Variants in TLL1 observed in about 807,000 individuals in gnomAD.
The protein encoded by TLL1 is tolloid-like protein 1.
A neutral mutation model predicts 128.2 loss-of-function variants in TLL1; 49 were observed. The ratio of observed to expected loss-of-function variants is 0.38; its 90% CI spans 0.30 to 0.48. TLL1 has a LOEUF of 0.48. Ranked by LOEUF, TLL1 falls within the 20% of genes least tolerant of loss-of-function variation. TLL1 has a pLI of 0.96. For synonymous variants in TLL1, 454 were observed against 418.8 expected, an observed-to-expected ratio of 1.08 and a Z score of -1.03; for missense variants, 1,123 against 1,242.0, an observed-to-expected ratio of 0.90 and a Z score of 1.44.
At chr4:165,878,933 T>C (rs1027986281) in intron 1 of TLL1, among the ~76,000 whole-genome samples, 16 of 129,498 alleles carry the variant, frequency 1.2e-4, no homozygotes, top group Non-Finnish European at 4.9e-5. Context: ...TTTTTTTTTT[T>C]TTTTTTTTTT....
chr4:166,029,440 G>T (rs1007158357), intron 9 of TLL1, among the ~76,000 whole-genome samples: 1 of 151,628 alleles, frequency 6.6e-6, no homozygotes, highest in Admixed American at 6.6e-5. Context: ...CTTAACATTA[G>T]TTTTACATGT....
chr4:166,047,205 C>G (rs1739494061), intron 12 of TLL1, among the ~76,000 whole-genome samples: 1 of 151,350 alleles, frequency 6.6e-6, no homozygotes, highest in Non-Finnish European at 1.5e-5. Context: ...CTCTGTTTCG[C>G]CCAGACTGCA....
chr4:166,082,828 C>T (rs775713063), intron 18 of TLL1, among the ~76,000 whole-genome samples: 1 of 151,946 alleles, frequency 6.6e-6, no homozygotes, highest in East Asian at 1.9e-4. Context: ...CAGGCGCCTG[C>T]CACCACCCCT....
chr4:165,897,242 T>C (rs1389690073), intron 1 of TLL1, among the ~76,000 whole-genome samples: 2 of 152,206 alleles, frequency 1.3e-5, no homozygotes, highest in Non-Finnish European at 2.9e-5. Flanking sequence ...TAGATCCCAT[T>C]TGTCAGTTTT....
At position 166,025,485 on chromosome 4, in the gene TLL1, A is replaced by G. The variant is rs1311952677; in HGVS notation, c.1158+54A>G. 2.3e-6 allele frequency: 3 copies of G among 1,325,636 alleles called. No homozygotes were observed. In the African/African-American group the frequency reaches 4.4e-5, roughly 19 times the overall value. 82.1% of individuals were successfully genotyped at this position (1,325,636 alleles called of 1,614,324 possible). A position where few individuals can be genotyped will look rare whatever the true frequency, so the allele number is the denominator to read the frequency against. On this transcript the variant is annotated intron_variant, in intron 9 of 20. Transcript: ENST00000061240. ...TATTCTTATATAAGTACAAAAGTTC[A>G]TCATCCTTCAAATATAAATTTGCTT...
At chr4:165,955,286 A>G (rs937762169) in intron 1 of TLL1, among the ~76,000 whole-genome samples, 2 of 152,064 alleles carry the variant, frequency 1.3e-5, no homozygotes, top group Non-Finnish European at 2.9e-5. Context: ...TCCAAGAAAT[A>G]TAAGATATAA....
At chr4:166,044,540 ATCATT>A in intron 12 of TLL1, 1 of 981,504 alleles carries the variant, frequency 1.0e-6, no homozygotes, top group Non-Finnish European at 1.5e-6. Context: ...TTCTACTTTA[ATCATT>A]ATGTTGTATT....
Position 165,877,595 on chromosome 4 carries a change from G to A in TLL1, c.169+3522G>A, listed in dbSNP as rs371474876. 2.0e-5 allele frequency among the ~76,000 whole-genome samples: 3 copies of A among 152,152 alleles called. No homozygotes were observed. The East Asian group carries it at 5.8e-4, about 29-fold the overall frequency. On this transcript the variant is annotated intron_variant, in intron 1 of 20. Coordinates refer to ENST00000061240, the MANE Select transcript of TLL1 (RefSeq NM_012464.5). ...ATCTGAGTATTAATATCTGTGAGGA[G>A]CCTGGGCAAATTTAGTTTGTAAGTT...
At chr4:166,054,379 A>T (rs1041005246) in intron 12 of TLL1, among the ~76,000 whole-genome samples, 2 of 152,218 alleles carry the variant, frequency 1.3e-5, no homozygotes, top group African/African-American at 4.8e-5. Flanking sequence ...CAAATCTTCT[A>T]TGAATACAAT....
At chr4:166,040,485 T>C (rs1739192908) in intron 10 of TLL1, among the ~76,000 whole-genome samples, 1 of 152,234 alleles carries the variant, frequency 6.6e-6, no homozygotes, top group Non-Finnish European at 1.5e-5. Context: ...CGACACTTCT[T>C]TTTAGAGCAC....
intron 1 of TLL1, among the ~76,000 whole-genome samples, chr4:165,967,902 C>T (rs1735465466): frequency 6.6e-6 from 1 of 152,106 alleles, no homozygotes; most frequent in African/African-American, 2.4e-5. Context: ...TGAGTGTATC[C>T]TTTATCTGGT....
chr4:166,026,078 AAACAACAAC>A (rs542899706), intron 9 of TLL1, among the ~76,000 whole-genome samples: 1 of 152,122 alleles, frequency 6.6e-6, no homozygotes, highest in East Asian at 1.9e-4. Context: ...AATTGATTAA[AAACAACAAC>A]AACAACAACA....
chr4:166,099,551 C>T (rs563986958), intron 20 of TLL1, 24 bp downstream of exon 20: 8 of 1,612,306 alleles, frequency 5.0e-6, no homozygotes, highest in African/African-American at 1.3e-5. Context: ...CAACAGAATA[C>T]CCTAGACATG....
At chr4:166,019,391 A>G (rs1049533673) in intron 8 of TLL1, among the ~76,000 whole-genome samples, 9 of 152,198 alleles carry the variant, frequency 5.9e-5, no homozygotes, top group African/African-American at 1.9e-4. Context: ...CTATGTAACT[A>G]TCTTATACAT....
chr4:166,046,809 A>C (rs967599808), intron 12 of TLL1, among the ~76,000 whole-genome samples: 3 of 152,232 alleles, frequency 2.0e-5, no homozygotes, highest in Non-Finnish European at 4.4e-5. Context: ...AGAATCTCAC[A>C]GGAACTGTAA....
chr4:165,916,678 A>G (rs1189971746), intron 1 of TLL1, among the ~76,000 whole-genome samples: 5 of 152,158 alleles, frequency 3.3e-5, no homozygotes, highest in Admixed American at 6.5e-5. Context: ...AAACTCACCA[A>G]TATAGTTTAG....
At chr4:165,884,517 T>C (rs1731089899) in intron 1 of TLL1, among the ~76,000 whole-genome samples, 1 of 152,212 alleles carries the variant, frequency 6.6e-6, no homozygotes, top group African/African-American at 2.4e-5. Context: ...AGCTTGGTTT[T>C]AAAATCACAC....
intron 16 of TLL1, among the ~76,000 whole-genome samples, chr4:166,069,322 G>A (rs1268665349): frequency 1.3e-5 from 2 of 151,682 alleles, no homozygotes; most frequent in Non-Finnish European, 3.0e-5. Context: ...TTCCGAAGTG[G>A]TTGTGGCTTT....
At chr4:166,019,096 C>T (rs1166481775) in intron 8 of TLL1, among the ~76,000 whole-genome samples, 1 of 152,040 alleles carries the variant, frequency 6.6e-6, no homozygotes, top group Non-Finnish European at 1.5e-5. Context: ...AAATGTGGTA[C>T]CTATAGACCT....
Sources: allele counts gnomAD v4.1 joint callset (sites outside exome capture counted in the v4.1 genomes callset), GRCh38; gene constraint gnomAD v4.1.1; transcripts MANE v1.5; gene names NCBI Gene and HGNC (gene_info 2026-07-23, HGNC 2026-07-21).